The following CNTLN variants were observed in gnomAD, a reference collection of about 807,000 sequenced individuals.
CNTLN encodes the protein centlein, centrosomal protein.
Under a neutral mutation model 180.0 loss-of-function variants are expected in CNTLN, and 212 were observed. The ratio of observed to expected loss-of-function variants is 1.18; its 90% CI spans 1.05 to 1.32. CNTLN has a LOEUF of 1.32. CNTLN is among the 40% of genes most tolerant of loss of function. The probability of loss-of-function intolerance (pLI) is 0.00; values close to 1 mark genes in which losing one functional copy is unlikely to be tolerated. For missense variants in CNTLN, 2,095 were observed against 1,610.9 expected, an observed-to-expected ratio of 1.30 and a Z score of -5.14; for synonymous variants, 722 against 563.1, an observed-to-expected ratio of 1.28 and a Z score of -3.99.
intron 12 of CNTLN, among the ~76,000 whole-genome samples, chr9:17,347,236 C>T (rs1001337844): frequency 6.6e-6 from 1 of 152,064 alleles, no homozygotes; most frequent in Non-Finnish European, 1.5e-5. Context: ...ATAATTTCAT[C>T]CTTTGATTAT....
intron 2 of CNTLN, among the ~76,000 whole-genome samples, chr9:17,165,445 A>AACTG (rs1467198708): frequency 6.6e-6 from 1 of 152,220 alleles, no homozygotes; most frequent in Non-Finnish European, 1.5e-5. Context: ...GATAAGTGGT[A>AACTG]ACTGACTTAG....
At chr9:17,233,896 A>T (rs998283017) in intron 3 of CNTLN, among the ~76,000 whole-genome samples, 1 of 152,200 alleles carries the variant, frequency 6.6e-6, no homozygotes, top group Non-Finnish European at 1.5e-5. Context: ...GGCAAAGATA[A>T]GAATCAGGGT....
rs956292696 is a variant in CNTLN, at chr9:17,415,876, C to G, written c.2885C>G (p.Thr962Ser). The G allele has an allele frequency of 6.8e-6, 11 of 1,607,962 alleles. No individual in the cohort carries two copies. Among genetic ancestry groups the G allele is most frequent in the African/African-American group, 1.3e-5 (1 of 74,584 alleles). The change falls in exon 17 of 26, where the codon ACT (threonine) becomes AGT (serine). Residue 962 changes from threonine to serine, a missense_variant. Physicochemically the swap from Thr to Ser is moderately conservative, Grantham distance 58 (BLOSUM62 1). Coordinates refer to ENST00000380647, the MANE Select transcript of CNTLN (RefSeq NM_017738.4). ...AAGAGTTCACATACAGCAGTTCCTA[C>G]TAGAGGTAAGAATGTATATGCAATT... Reference protein sequence around the residue: ...MQKSSHTAVPTRVNREKYKNI... With the variant: ...MQKSSHTAVPSRVNREKYKNI...
chr9:17,337,478 GAA>G (rs2133173857), intron 10 of CNTLN, among the ~76,000 whole-genome samples: 1 of 152,226 alleles, frequency 6.6e-6, no homozygotes, highest in East Asian at 1.9e-4. Flanking sequence ...ATTACTATAG[GAA>G]AATCAAAATT....
intron 2 of CNTLN, among the ~76,000 whole-genome samples, chr9:17,199,321 C>G (rs1230620987): frequency 6.7e-6 from 1 of 148,992 alleles, no homozygotes. Context: ...AAGCAATTCT[C>G]CTGCCTCAGC....
At chr9:17,333,521 C>T (rs1312723157) in intron 10 of CNTLN, among the ~76,000 whole-genome samples, 1 of 152,044 alleles carries the variant, frequency 6.6e-6, no homozygotes, top group Non-Finnish European at 1.5e-5. Flanking sequence ...ACATGAAGCT[C>T]AGATTCTTTG....
intron 12 of CNTLN, among the ~76,000 whole-genome samples, chr9:17,359,991 G>C (rs1313068026): frequency 6.6e-6 from 1 of 151,926 alleles, no homozygotes; most frequent in Non-Finnish European, 1.5e-5. Flanking sequence ...ATCTTGATGT[G>C]TCTTATTTTT....
rs1360645950 is a variant in CNTLN at position 17,378,241 on chromosome 9, A to G, written c.1988-9921A>G. On this transcript the variant is annotated intron_variant, in intron 13 of 25. Coordinates refer to ENST00000380647, the MANE Select transcript of CNTLN (RefSeq NM_017738.4). ...TGTCACCAGGCTGGAATGCAGTGGC[A>G]CAATCTTGGCTCATTGCAACCTCCG... is the stretch of plus-strand genomic sequence containing the variant. Among the ~76,000 whole-genome samples the G allele has an allele frequency of 2.0e-5, 3 of 152,032 alleles. No homozygotes were observed. In the East Asian group the frequency reaches 5.8e-4, roughly 29 times the overall value.
intron 5 of CNTLN, among the ~76,000 whole-genome samples, chr9:17,262,566 G>T (rs773375481): frequency 4.0e-5 from 6 of 151,384 alleles, no homozygotes; most frequent in Admixed American, 1.3e-4. Flanking sequence ...ATACACTGAT[G>T]CCTGTTGTGG....
intron 18 of CNTLN, among the ~76,000 whole-genome samples, chr9:17,433,942 T>G (rs1219246397): frequency 6.6e-6 from 1 of 152,196 alleles, no homozygotes; most frequent in Non-Finnish European, 1.5e-5. Flanking sequence ...TTTATGGAGA[T>G]GATAATAAGA....
intron 5 of CNTLN, among the ~76,000 whole-genome samples, chr9:17,242,265 A>T (rs1371825544): frequency 6.7e-6 from 1 of 150,304 alleles, no homozygotes; most frequent in Non-Finnish European, 1.5e-5. Context: ...GTTGAATTTT[A>T]TCAAATGCTT....
At chr9:17,520,517 C>A in the CNTLN span, among the ~76,000 whole-genome samples, 1 of 152,214 alleles carries the variant, frequency 6.6e-6, no homozygotes, top group Admixed American at 6.5e-5. Context: ...CAAAATCCAA[C>A]CCTGAATTGT....
intron 23 of CNTLN, among the ~76,000 whole-genome samples, chr9:17,480,700 C>T (rs1038864485): frequency 6.6e-6 from 1 of 152,066 alleles, no homozygotes; most frequent in African/African-American, 2.4e-5. Flanking sequence ...TGTGATTTAA[C>T]AAAATAAGTG....
chr9:17,201,156 C>T (rs1191236236), intron 2 of CNTLN, among the ~76,000 whole-genome samples: 2 of 152,166 alleles, frequency 1.3e-5, no homozygotes, highest in Admixed American at 6.5e-5. Context: ...GTTTGTAGAA[C>T]CAGCCTTGCA....
intron 18 of CNTLN, among the ~76,000 whole-genome samples, chr9:17,426,354 T>C (rs1325820870): frequency 6.6e-6 from 1 of 152,158 alleles, no homozygotes; most frequent in Admixed American, 6.5e-5. Flanking sequence ...AGAAAGAAAG[T>C]GTATAACTTC....
chr9:17,521,450 A>G, the CNTLN span, among the ~76,000 whole-genome samples: 1 of 152,234 alleles, frequency 6.6e-6, no homozygotes, highest in African/African-American at 2.4e-5. Context: ...ACGACTAGCA[A>G]GAGACTTGCT....
At chr9:17,219,497 A>G (rs1203198079) in intron 2 of CNTLN, among the ~76,000 whole-genome samples, 3 of 151,906 alleles carry the variant, frequency 2.0e-5, no homozygotes, top group Non-Finnish European at 4.4e-5. Context: ...TTGAGTTTTG[A>G]TTATCTTTCA....
At chr9:17,366,551 G>T (rs548819841) in intron 12 of CNTLN, 66 bp from the exon 13 acceptor site, 2 of 702,656 alleles carry the variant, frequency 2.8e-6, no homozygotes, top group East Asian at 3.0e-5. Flanking sequence ...ATATTTAAAT[G>T]TATATGTTTG....
chr9:17,463,339 A>G (rs569018386), intron 20 of CNTLN, among the ~76,000 whole-genome samples: 48 of 151,742 alleles, frequency 3.2e-4, no homozygotes, highest in African/African-American at 1.1e-3. Flanking sequence ...TATGATTAGT[A>G]TTTGTATTGG....
Sources: allele counts gnomAD v4.1 joint callset (sites outside exome capture counted in the v4.1 genomes callset), GRCh38; gene constraint gnomAD v4.1.1; transcripts MANE v1.5; gene names NCBI Gene and HGNC (gene_info 2026-07-23, HGNC 2026-07-21).